Variants in SKIC8 observed in about 807,000 individuals in gnomAD.
SKIC8 encodes SKI8 subunit of superkiller complex.
chr15:78,298,870 G>C, the SKIC8 span, among the ~76,000 whole-genome samples: 1 of 152,128 alleles, frequency 6.6e-6, no homozygotes, highest in Admixed American at 6.5e-5. Flanking sequence ...AGCGGTTAAG[G>C]AAGCTTCCCC....
chr15:78,295,334 G>A, the SKIC8 span: 22 of 562,580 alleles, frequency 3.9e-5, no homozygotes, highest in African/African-American at 1.1e-4. Context: ...CTGCCTAACC[G>A]TCTATTAACT....
the SKIC8 span, chr15:78,293,078 A>C: frequency 8.4e-7 from 1 of 1,196,776 alleles, no homozygotes; most frequent in Non-Finnish European, 1.2e-6. Context: ...CCTAGAAAAA[A>C]GTATTTCCCG....
chr15:78,293,017 T>G, the SKIC8 span: 6 of 828,016 alleles, frequency 7.2e-6, no homozygotes, highest in Non-Finnish European at 1.1e-5. Flanking sequence ...GGAAAACAAG[T>G]GGGAAAAATA....
chr15:78,290,195 C>A, the SKIC8 span: 3 of 1,330,568 alleles, frequency 2.3e-6, no homozygotes, highest in South Asian at 3.0e-5. Context: ...CTTTTTAAAT[C>A]GGAGTAGCAG....
the SKIC8 span, among the ~76,000 whole-genome samples, chr15:78,297,235 T>C: frequency 6.6e-6 from 1 of 152,140 alleles, no homozygotes; most frequent in East Asian, 1.9e-4. Context: ...ACTGCAAAAA[T>C]GACATTTGCT....
At chr15:78,295,290 C>T in the SKIC8 span, 1 of 551,944 alleles carries the variant, frequency 1.8e-6, no homozygotes, top group East Asian at 3.1e-5. Flanking sequence ...CAGTTTGTAG[C>T]TTAAATTTTG....
the SKIC8 span, chr15:78,293,220 GT>G: frequency 6.2e-7 from 1 of 1,614,138 alleles, no homozygotes; most frequent in Non-Finnish European, 8.5e-7. Context: ...CTGTCTCAGA[GT>G]TTTCCTTCTT....
chr15:78,291,852 G>A, the SKIC8 span: 1 of 152,222 alleles, frequency 6.6e-6, no homozygotes, highest in Non-Finnish European at 1.5e-5. Context: ...GCACCCTCTA[G>A]CAGTTACCAC....
the SKIC8 span, chr15:78,283,383 G>C: frequency 2.0e-6 from 3 of 1,475,390 alleles, no homozygotes; most frequent in Non-Finnish European, 2.8e-6. Flanking sequence ...GGAATGTCAT[G>C]ATCAATCCGT....
chr15:78,285,523 T>C, the SKIC8 span: 2 of 605,498 alleles, frequency 3.3e-6, no homozygotes, highest in East Asian at 2.8e-5. Context: ...TTTCCTGAAA[T>C]TGTGATCTGC....
chr15:78,285,949 G>A, the SKIC8 span: 1 of 1,046,306 alleles, frequency 9.6e-7, no homozygotes, highest in South Asian at 2.1e-5. Context: ...AATAAAAAAG[G>A]GTCAAACATC....
At chr15:78,295,511 G>T in the SKIC8 span, 1 of 777,504 alleles carries the variant, frequency 1.3e-6, no homozygotes, top group Non-Finnish European at 2.2e-6. Context: ...CATTTCACTA[G>T]TCCCACCTAA....
chr15:78,286,078 C>T, the SKIC8 span: 186 of 1,613,882 alleles, frequency 1.2e-4, no homozygotes, highest in Middle Eastern at 2.5e-3. Context: ...CAGAATGCAA[C>T]GTTCAGCACC....
the SKIC8 span, among the ~76,000 whole-genome samples, chr15:78,298,550 TTTA>T: frequency 2.6e-5 from 4 of 152,148 alleles, no homozygotes; most frequent in South Asian, 4.1e-4. Flanking sequence ...ATAATTCTAT[TTTA>T]TTATTATTGT....
At chr15:78,285,056 C>G in the SKIC8 span, 1 of 562,086 alleles carries the variant, frequency 1.8e-6, no homozygotes, top group Non-Finnish European at 3.2e-6. Context: ...TCGTGAGTTG[C>G]TAGGCTGACA....
chr15:78,289,705 T>A, the SKIC8 span: 1 of 1,614,028 alleles, frequency 6.2e-7, no homozygotes, highest in Non-Finnish European at 8.5e-7. Flanking sequence ...GTATTTCCCA[T>A]CAGGACTCTG....
the SKIC8 span, chr15:78,289,766 C>T: frequency 1.3e-6 from 2 of 1,569,224 alleles, no homozygotes; most frequent in Non-Finnish European, 1.8e-6. Flanking sequence ...TGTTGTTAAG[C>T]TGTCCCTACC....
chr15:78,291,970 G>A, the SKIC8 span: 1 of 152,524 alleles, frequency 6.6e-6, no homozygotes, highest in Non-Finnish European at 1.5e-5. Flanking sequence ...ACATTAGTCA[G>A]CCTATGACAT....
the SKIC8 span, chr15:78,295,703 C>G: frequency 1.9e-6 from 3 of 1,550,642 alleles, no homozygotes. Context: ...AACCAAGGAT[C>G]AAGGACAAAA....
Sources: gnomAD v4.1 joint callset for allele counts (sites outside exome capture counted in the v4.1 genomes callset) on GRCh38, gnomAD v4.1.1 for gene constraint, MANE v1.5 for transcripts, NCBI Gene and HGNC (gene_info 2026-07-23, HGNC 2026-07-21) for gene names.